ABCC4: variants seen among roughly 807,000 people sequenced by gnomAD.
ABCC4 encodes the protein ATP-binding cassette sub-family C member 4.
A neutral mutation model predicts 168.5 loss-of-function variants in ABCC4; 102 were observed. The observed-to-expected ratio is 0.61, with a 90% CI of 0.52 to 0.71. The LOEUF (loss-of-function observed/expected upper bound fraction) is 0.71. ABCC4 is among the 30% of genes least tolerant of loss of function. The probability of loss-of-function intolerance (pLI) is 0.00; values close to 1 mark genes in which losing one functional copy is unlikely to be tolerated. For synonymous variants in ABCC4, 617 were observed against 590.7 expected, an observed-to-expected ratio of 1.04 and a Z score of -0.65; for missense variants, 1,402 against 1,605.8, an observed-to-expected ratio of 0.87 and a Z score of 2.17.
At chr13:95,113,700 T>C (rs1678395) in intron 20 of ABCC4, among the ~76,000 whole-genome samples, 143,219 of 152,192 alleles carry the variant, frequency 0.94, 67,501 homozygotes, top group African/African-American at 0.96. Context: ...CCAAATACTT[T>C]AAAATGATCC....
intron 1 of ABCC4, among the ~76,000 whole-genome samples, chr13:95,300,873 G>A (rs2041657623): frequency 6.6e-6 from 1 of 152,156 alleles, no homozygotes; most frequent in African/African-American, 2.4e-5. Context: ...GCGTGTAAGG[G>A]GTGCAGTCGC....
chr13:95,182,671 A>G (rs2139608045), intron 11 of ABCC4, among the ~76,000 whole-genome samples: 1 of 152,346 alleles, frequency 6.6e-6, no homozygotes, highest in East Asian at 1.9e-4. Context: ...TATGAGGTGA[A>G]TAGTTTATTA....
intron 17 of ABCC4, 33 bp downstream of exon 17, chr13:95,163,577 A>T: frequency 6.3e-7 from 1 of 1,581,996 alleles, no homozygotes; most frequent in South Asian, 1.1e-5. Flanking sequence ...CTGATTTTGG[A>T]GTATTTCATA....
chr13:95,250,014 TCA>T (rs2040213409), intron 1 of ABCC4, among the ~76,000 whole-genome samples: 3 of 152,202 alleles, frequency 2.0e-5, no homozygotes, highest in Non-Finnish European at 4.4e-5. Context: ...CTACTCTCTC[TCA>T]TTGCCCAGAT....
At chr13:95,162,325 A>T (rs112511034) in intron 18 of ABCC4, among the ~76,000 whole-genome samples, 1,637 of 152,344 alleles carry the variant, frequency 0.011, 19 homozygotes, top group Non-Finnish European at 0.019. Context: ...GTAGGTTCTT[A>T]CAAAGATAAC....
At chr13:95,288,283 G>A (rs1386627761) in intron 1 of ABCC4, among the ~76,000 whole-genome samples, 1 of 152,044 alleles carries the variant, frequency 6.6e-6, no homozygotes. Context: ...TAAGACACAG[G>A]TGTCAGCAAC....
intron 1 of ABCC4, among the ~76,000 whole-genome samples, chr13:95,287,778 C>T (rs2041296268): frequency 6.6e-6 from 1 of 151,470 alleles, no homozygotes; most frequent in Non-Finnish European, 1.5e-5. Context: ...TGAGGTGGCT[C>T]ACACCTGTAA....
At position 95,116,844 on chromosome 13, in the gene ABCC4, A is replaced by AGT. The variant is rs555714524; in HGVS notation, c.2456-845_2456-844dup. The stretch of plus-strand genomic sequence containing the variant: ...ACGTGGATGCAGGTGACCCCTGAGA[A>AGT]GTGTGTGTGTCTAGGCCTCTGAACT... On this transcript the variant is annotated intron_variant, in intron 19 of 30. Coordinates refer to ENST00000645237, the MANE Select transcript of ABCC4 (RefSeq NM_005845.5). 1.6e-3 allele frequency among the ~76,000 whole-genome samples: 243 copies of AGT among 152,238 alleles called. 1 individual carries two copies. Among genetic ancestry groups the AGT allele is most frequent in the African/African-American group, 5.0e-3 (209 of 41,554 alleles).
Position 95,032,222 on chromosome 13 carries a change from G to A in ABCC4, c.3870+2383C>T, listed in dbSNP as rs565755176. ...CGATCCTAAAGCCAGGCTTGAATCC[G>A]GACTCTGCCTATAATTCTGCTAGCT... is the stretch of plus-strand genomic sequence containing the variant. On this transcript the variant is annotated intron_variant, in intron 30 of 30. Coordinates refer to ENST00000645237, the MANE Select transcript of ABCC4 (RefSeq NM_005845.5). Among the ~76,000 whole-genome samples the A allele has an allele frequency of 3.3e-5, 5 of 152,232 alleles. No individual in the cohort carries two copies. The East Asian group carries it at 5.8e-4, about 18-fold the overall frequency.
chr13:95,192,986 A>AC (rs1482710134), intron 9 of ABCC4, among the ~76,000 whole-genome samples: 1 of 152,196 alleles, frequency 6.6e-6, no homozygotes, highest in Non-Finnish European at 1.5e-5. Context: ...AGAAACTGTC[A>AC]CCTTGTGTGA....
At chr13:95,166,070 T>C in intron 15 of ABCC4, 88 bp downstream of exon 15, 2 of 1,207,334 alleles carry the variant, frequency 1.7e-6, no homozygotes, top group South Asian at 2.7e-5. Flanking sequence ...GGACAAAAGA[T>C]GAAGCTTTGA....
At chr13:95,292,350 C>T (rs1252433786) in intron 1 of ABCC4, among the ~76,000 whole-genome samples, 1 of 152,094 alleles carries the variant, frequency 6.6e-6, no homozygotes, top group East Asian at 1.9e-4. Context: ...CAGAGTGACA[C>T]CCTGTCTCAA....
At chr13:95,294,910 C>T (rs1311817757) in intron 1 of ABCC4, among the ~76,000 whole-genome samples, 5 of 152,200 alleles carry the variant, frequency 3.3e-5, no homozygotes, top group Non-Finnish European at 5.9e-5. Context: ...GCCGAGATCA[C>T]GCCACTGCAC....
chr13:95,103,066 A>G (rs930161933), intron 20 of ABCC4, among the ~76,000 whole-genome samples: 4 of 149,998 alleles, frequency 2.7e-5, no homozygotes, highest in Non-Finnish European at 5.9e-5. Flanking sequence ...GGAGTTCGAG[A>G]CCAGCCGGGC....
chr13:95,025,702 C>T (rs942846415), intron 30 of ABCC4, among the ~76,000 whole-genome samples: 15 of 151,494 alleles, frequency 9.9e-5, no homozygotes, highest in Admixed American at 3.3e-4. Context: ...TAGTACAGGG[C>T]CTGGAGATTA....
intron 20 of ABCC4, among the ~76,000 whole-genome samples, chr13:95,099,462 T>C (rs1400067646): frequency 6.6e-6 from 1 of 152,128 alleles, no homozygotes; most frequent in Non-Finnish European, 1.5e-5. Flanking sequence ...TAAAAAAAAC[T>C]GTCGATTTTA....
At position 95,021,667 on chromosome 13, in the gene ABCC4, T is replaced by G. The variant is rs749311333; in HGVS notation, c.3886A>C (p.Asn1296His). Residue 1296 changes from asparagine to histidine, a missense_variant, in exon 31 of 31, where the codon AAT (asparagine) becomes CAT (histidine). Physicochemically the swap from Asn to His is moderately conservative, Grantham distance 68. Transcript: ENST00000645237. Reference protein sequence around the residue: ...ETAKQVYFKRNYPHIGHTDHM... With the variant: ...ETAKQVYFKRHYPHIGHTDHM... ...TCAGTGTGACCAATATGTGGATAATTTCTTTTGAAGTATACCTAGAAAAAA... is the reference window on the plus strand; with the variant it reads ...TCAGTGTGACCAATATGTGGATAATGTCTTTTGAAGTATACCTAGAAAAAA... The G allele has an allele frequency of 3.4e-5, 54 of 1,608,784 alleles. No homozygotes were observed. Among genetic ancestry groups the G allele is most frequent in the Non-Finnish European group, 2.6e-6 (3 of 1,176,354 alleles).
chr13:95,179,058 A>T (rs2139599012), intron 11 of ABCC4, among the ~76,000 whole-genome samples: 1 of 152,266 alleles, frequency 6.6e-6, no homozygotes, highest in East Asian at 1.9e-4. Context: ...TTATGGCCAA[A>T]CTGAAATGCT....
At chr13:95,278,065 G>A (rs1026917405) in intron 1 of ABCC4, among the ~76,000 whole-genome samples, 1 of 152,134 alleles carries the variant, frequency 6.6e-6, no homozygotes, top group Non-Finnish European at 1.5e-5. Flanking sequence ...GTCAACCCAG[G>A]GACGGAGGAG....
Sources: gnomAD v4.1 joint callset for allele counts (sites outside exome capture counted in the v4.1 genomes callset) on GRCh38, gnomAD v4.1.1 for gene constraint, MANE v1.5 for transcripts, NCBI Gene and HGNC (gene_info 2026-07-23, HGNC 2026-07-21) for gene names.